The following IQGAP2 variants were observed in gnomAD, a reference collection of about 807,000 sequenced individuals.
The protein encoded by IQGAP2 is IQ motif containing GTPase activating protein 2.
Under a neutral mutation model 201.3 loss-of-function variants are expected in IQGAP2, and 173 were observed. The ratio of observed to expected loss-of-function variants is 0.86; its 90% CI spans 0.76 to 0.98. IQGAP2 has a LOEUF of 0.98. Among genes scored for constraint, IQGAP2 ranks in the 50% least tolerant of loss-of-function variants. The pLI is 0.00. For synonymous variants in IQGAP2, 675 were observed against 673.9 expected (o/e 1.00, Z -0.03); for missense variants, 1,687 against 1,864.8 (o/e 0.90, Z 1.76).
intron 5 of IQGAP2, among the ~76,000 whole-genome samples, chr5:76,580,312 C>T (rs1466529572): frequency 6.6e-6 from 1 of 151,468 alleles, no homozygotes; most frequent in Non-Finnish European, 1.5e-5. Flanking sequence ...GTGGCACACG[C>T]CTGTAGTCCC....
intron 23 of IQGAP2, among the ~76,000 whole-genome samples, chr5:76,671,522 A>G (rs1462003008): frequency 6.6e-6 from 1 of 151,834 alleles, no homozygotes; most frequent in Non-Finnish European, 1.5e-5. Flanking sequence ...CGTCTCTACT[A>G]AAAATACAAA....
At chr5:76,428,207 C>G (rs564172189) in intron 1 of IQGAP2, among the ~76,000 whole-genome samples, 1 of 152,026 alleles carries the variant, frequency 6.6e-6, no homozygotes, top group African/African-American at 2.4e-5. Flanking sequence ...CCCAGCTCTG[C>G]GGGGTGATGG....
chr5:76,648,084 T>A (rs148867160), intron 17 of IQGAP2, among the ~76,000 whole-genome samples: 1 of 152,136 alleles, frequency 6.6e-6, no homozygotes, highest in Admixed American at 6.5e-5. Flanking sequence ...TTCCCCTCAG[T>A]TGGTCAATGG....
chr5:76,622,979 G>C (rs552674318), intron 13 of IQGAP2, among the ~76,000 whole-genome samples: 1 of 152,210 alleles, frequency 6.6e-6, no homozygotes, highest in Admixed American at 6.5e-5. Flanking sequence ...CTTAGTCTAT[G>C]ACCAGGTTTG....
At chr5:76,618,668 T>G (rs370118513) in intron 13 of IQGAP2, 12 of 1,537,030 alleles carry the variant, frequency 7.8e-6, no homozygotes, top group African/African-American at 1.4e-5. Flanking sequence ...AGTATTAACA[T>G]AAATGTATAG....
chr5:76,450,356 G>T (rs186784398), intron 1 of IQGAP2, among the ~76,000 whole-genome samples: 31 of 152,244 alleles, frequency 2.0e-4, no homozygotes, highest in South Asian at 4.1e-4. Flanking sequence ...AAAAATGTTT[G>T]CACTAATATA....
At chr5:76,499,516 GA>G (rs1186804158) in intron 2 of IQGAP2, among the ~76,000 whole-genome samples, 2 of 152,110 alleles carry the variant, frequency 1.3e-5, no homozygotes, top group Non-Finnish European at 2.9e-5. Context: ...AAAATTCTCT[GA>G]GCTCTTTGGG....
intron 17 of IQGAP2, among the ~76,000 whole-genome samples, chr5:76,643,710 A>G (rs1277430905): frequency 2.0e-5 from 3 of 152,182 alleles, no homozygotes. Context: ...ATAGTGGCAA[A>G]CACCAAAACT....
At chr5:76,685,697 C>A (rs1366168674) in intron 30 of IQGAP2, among the ~76,000 whole-genome samples, 1 of 54,864 alleles carries the variant, frequency 1.8e-5, no homozygotes, top group Non-Finnish European at 4.2e-5. Context: ...TCTCCCCCGT[C>A]CCCCCCAGTG....
intron 1 of IQGAP2, among the ~76,000 whole-genome samples, chr5:76,414,271 A>G (rs1157424459): frequency 1.3e-5 from 2 of 152,060 alleles, no homozygotes; most frequent in Admixed American, 1.3e-4. Context: ...TCAGGGTGGG[A>G]TGAGGAGCCT....
intron 5 of IQGAP2, among the ~76,000 whole-genome samples, chr5:76,585,044 C>T (rs1746143165): frequency 6.6e-6 from 1 of 151,976 alleles, no homozygotes; most frequent in South Asian, 2.1e-4. Context: ...ATCAGAAAAA[C>T]AGTTAATAAA....
At chr5:76,489,760 T>A (rs1756421872) in intron 2 of IQGAP2, among the ~76,000 whole-genome samples, 1 of 152,182 alleles carries the variant, frequency 6.6e-6, no homozygotes, top group South Asian at 2.1e-4. Context: ...AGTCACCATG[T>A]CCAGCCCACA....
chr5:76,687,183 T>C (rs1745855373), intron 30 of IQGAP2, among the ~76,000 whole-genome samples: 1 of 152,214 alleles, frequency 6.6e-6, no homozygotes, highest in African/African-American at 2.4e-5. Context: ...ATAGAGGCCC[T>C]AAGTCTTTTA....
At chr5:76,692,426 A>T (rs1746347949) in intron 30 of IQGAP2, among the ~76,000 whole-genome samples, 1 of 152,210 alleles carries the variant, frequency 6.6e-6, no homozygotes, top group Admixed American at 6.5e-5. Flanking sequence ...TGCTGGGATT[A>T]CAGGAGTGAG....
chr5:76,533,379 C>A (rs1489724352), intron 2 of IQGAP2, among the ~76,000 whole-genome samples: 2 of 152,100 alleles, frequency 1.3e-5, no homozygotes, highest in African/African-American at 2.4e-5. Flanking sequence ...CAAAATTGAT[C>A]TTTAAATGTT....
chr5:76,627,196 G>T (rs1178853285), intron 13 of IQGAP2, among the ~76,000 whole-genome samples: 1 of 152,148 alleles, frequency 6.6e-6, no homozygotes, highest in Admixed American at 6.5e-5. Context: ...GGAGATGATG[G>T]GGGGCTGGAC....
intron 1 of IQGAP2, among the ~76,000 whole-genome samples, chr5:76,420,410 C>T (rs1219854547): frequency 2.8e-5 from 4 of 144,628 alleles, no homozygotes; most frequent in Non-Finnish European, 6.0e-5. Context: ...GAGTCTCACA[C>T]TGTCACCCAG....
chr5:76,477,024 C>A (rs1755475965), intron 2 of IQGAP2, among the ~76,000 whole-genome samples: 1 of 152,068 alleles, frequency 6.6e-6, no homozygotes, highest in Admixed American at 6.6e-5. Context: ...GGTCATGAAC[C>A]ACTGTGTTGA....
At chr5:76,481,278 C>A (rs1755777688) in intron 2 of IQGAP2, among the ~76,000 whole-genome samples, 1 of 152,036 alleles carries the variant, frequency 6.6e-6, no homozygotes, top group Non-Finnish European at 1.5e-5. Context: ...ACCTTTTCTA[C>A]TAGCCACAGT....
Sources: allele counts gnomAD v4.1 joint callset (sites outside exome capture counted in the v4.1 genomes callset), GRCh38; gene constraint gnomAD v4.1.1; transcripts MANE v1.5; gene names NCBI Gene and HGNC (gene_info 2026-07-23, HGNC 2026-07-21).